The following TGOLN2 variants were observed in gnomAD, a reference collection of about 807,000 sequenced individuals.
TGOLN2 encodes the protein trans-golgi network protein 2, also known as trans-Golgi network integral membrane protein 2.
In TGOLN2, 19 loss-of-function variants were observed where a neutral mutation model predicts 31.3. That is an observed-to-expected ratio of 0.61 (90% CI 0.42 to 0.89). The LOEUF is 0.89. Ranked by LOEUF, TGOLN2 falls within the 40% of genes least tolerant of loss-of-function variation. The pLI, the probability that TGOLN2 is intolerant of heterozygous loss-of-function variation, is 0.00. For missense variants in TGOLN2, 540 were observed against 559.2 expected (o/e 0.97, Z 0.35); for synonymous variants, 222 against 226.7 (o/e 0.98, Z 0.19).
At position 85,327,588 on chromosome 2, in the gene TGOLN2, T is replaced by C. The variant is rs770516644; in HGVS notation, c.144A>G (p.Gln48=). ...GNVSTHPSLS[Q]RPGGSTKSHP... ...GCGACTTGGTAGAGCCTCCAGGCCG[T>C]TGGCTCAAGCTGGGGTGGGTGGAGA... Residue 48 remains glutamine (Q), a synonymous_variant, in exon 2 of 4, where the codon CAA becomes CAG. Coordinates refer to ENST00000377386, the MANE Select transcript of TGOLN2 (RefSeq NM_006464.4). 7 of 1,614,058 alleles carry C rather than the reference T, an allele frequency of 4.3e-6. No individual in the cohort carries two copies. The highest frequency in any genetic ancestry group is 1.3e-5 in the African/African-American group (1 of 75,058).
rs899066289 is a variant in TGOLN2 at position 85,322,541 on chromosome 2, C to T, written c.*195G>A. 4.1e-6 allele frequency: 5 copies of T among 1,223,624 alleles called. No individual in the cohort carries two copies. Among genetic ancestry groups the T allele is most frequent in the African/African-American group, 3.1e-5 (2 of 64,518 alleles). 75.8% of individuals were successfully genotyped at this position (1,223,624 alleles called of 1,614,324 possible). ...AGCCCAAAGCAGCCCCCTACCTCTG[C>T]CAGCCCAGACCCGCCACTAAATTCT... On this transcript the variant is annotated 3_prime_UTR_variant, in exon 4 of 4. Coordinates refer to ENST00000377386, the MANE Select transcript of TGOLN2 (RefSeq NM_006464.4).
chr2:85,320,190 A>G lies in TGOLN2; in HGVS notation c.*2546T>C, dbSNP rs1353977320. The G allele has an allele frequency of 6.6e-6, 1 of 152,300 alleles. No homozygotes were observed. The highest frequency in any genetic ancestry group is 2.4e-5 in the African/African-American group (1 of 41,462). 9.4% of individuals were successfully genotyped at this position (152,300 alleles called of 1,614,324 possible). On this transcript the variant is annotated 3_prime_UTR_variant, in exon 4 of 4. Transcript: ENST00000377386. ...AGAGAAAAACAGGCAGGAGGGTGTC[A>G]ATCTATAGCATCCTGAACCCCAAAA...
chr2:85,327,244 T>G lies in TGOLN2; in HGVS notation c.488A>C (p.Asp163Ala). 6.2e-7 allele frequency: 1 copy of G among 1,612,968 alleles called. No individual in the cohort carries two copies. The change falls in exon 2 of 4, where the codon GAC (aspartate) becomes GCC (alanine). Residue 163 changes from aspartate (D) to alanine (A), a missense_variant. Asp to Ala is a moderately radical substitution (Grantham distance 126, BLOSUM62 -2). Coordinates refer to ENST00000377386, the MANE Select transcript of TGOLN2 (RefSeq NM_006464.4). ...RSGAEAKTQK[D>A]SPSKSGSEAQ... ...CTCCGAACCTGACTTGCTAGGGCTG[T>G]CTTTTTGGGTCTTTGCCTCCGCACC...
At position 85,318,384 on chromosome 2, in the gene TGOLN2, C is replaced by T. The variant is rs908163963; in HGVS notation, c.*4352G>A. On this transcript the variant is annotated 3_prime_UTR_variant, in exon 4 of 4. Transcript: ENST00000377386. ...ACATACTATACAGCTCAGACCCAAA[C>T]CCTTCACAGAGAGACTCTAAGTGTA... The T allele has an allele frequency of 2.0e-5, 3 of 152,182 alleles. No individual in the cohort carries two copies. The highest frequency in any genetic ancestry group is 2.9e-5 in the Non-Finnish European group (2 of 68,046). The allele number at this position is 152,182 out of a possible 1,614,324, so 9.4% of individuals were successfully genotyped here.
chr2:85,326,094 G>A (rs1259063100), intron 2 of TGOLN2, among the ~76,000 whole-genome samples: 1 of 152,218 alleles, frequency 6.6e-6, no homozygotes, highest in Non-Finnish European at 1.5e-5. Context: ...TTGTGCCACT[G>A]CTGATGGAAG....
rs1044962 is a variant in TGOLN2 at position 85,327,475 on chromosome 2, G to T, written c.257C>A (p.Ala86Glu). The change falls in exon 2 of 4, where the codon GCG (alanine) becomes GAG (glutamate). Residue 86 changes from alanine (A) to glutamate (E), a missense_variant. Coordinates refer to ENST00000377386, the MANE Select transcript of TGOLN2 (RefSeq NM_006464.4). ...TPEDTPNKSG[A>E]EAKTQKDSSN... ...GCTGTCTTTTTGGGTCTTTGCCTCCGCACCCGACTTGTTGGGGGTGTCTTC... is the reference window on the plus strand; with the variant it reads ...GCTGTCTTTTTGGGTCTTTGCCTCCTCACCCGACTTGTTGGGGGTGTCTTC... 1.8e-5 allele frequency: 29 copies of T among 1,613,782 alleles called. No homozygotes were observed. The highest frequency in any genetic ancestry group is 2.4e-5 in the Non-Finnish European group (28 of 1,179,852).
At position 85,327,096 on chromosome 2, in the gene TGOLN2, C is replaced by T. The variant is rs777202396; in HGVS notation, c.636G>A (p.Ala212=). The T allele has an allele frequency of 3.7e-6, 6 of 1,613,362 alleles. No individual in the cohort carries two copies. The highest frequency in any genetic ancestry group is 1.7e-5 in the Admixed American group (1 of 59,974). The change falls in exon 2 of 4, where the codon GCG becomes GCA. Residue 212 remains alanine, a synonymous_variant. Transcript: ENST00000377386. Reference sequence around the variant, plus strand: ...AGCCGTCTTTTGGAGTCTGCTTCTCCGCACCCGACTTGTTAGGGACGTCTT... The same window carrying T: ...AGCCGTCTTTTGGAGTCTGCTTCTCTGCACCCGACTTGTTAGGGACGTCTT... ...TPKDVPNKSG[A]EKQTPKDGSN... is the part of the protein sequence containing the mutation.
At position 85,318,280 on chromosome 2, in the gene TGOLN2, A is replaced by G. The variant is rs1238846259; in HGVS notation, c.*4456T>C. On this transcript the variant is annotated 3_prime_UTR_variant, in exon 4 of 4. Transcript: ENST00000377386. ...AAGAAGAGAAACAATTTCAACCATT[A>G]ATCATTTATCAAACATGAAGTCTGG... 1.3e-5 allele frequency: 2 copies of G among 152,228 alleles called. No individual in the cohort carries two copies. The highest frequency in any genetic ancestry group is 2.9e-5 in the Non-Finnish European group (2 of 68,032). The allele number at this position is 152,228 out of a possible 1,614,324, so 9.4% of individuals were successfully genotyped here.
rs1682757858 is a variant in TGOLN2 at position 85,327,017 on chromosome 2, C to T, written c.715G>A (p.Gly239Ser). The T allele has an allele frequency of 6.2e-7, 1 of 1,613,660 alleles. No homozygotes were observed. The highest frequency in any genetic ancestry group is 8.5e-7 in the Non-Finnish European group (1 of 1,179,794). Residue 239 changes from glycine to serine, a missense_variant, in exon 2 of 4, where the codon GGT becomes AGT. Coordinates refer to ENST00000377386, the MANE Select transcript of TGOLN2 (RefSeq NM_006464.4). ...TCTTTTGAGGTCTGCTCCTCCGCAC[C>T]CGACTTGCTGGGCCCGTCTATTGGG... ...QGPIDGPSKS[G>S]AEEQTSKDSP...
At position 85,326,906 on chromosome 2, in the gene TGOLN2, G is replaced by A. The variant is rs1682753072; in HGVS notation, c.826C>T (p.Pro276Ser). Residue 276 changes from proline (P) to serine (S), a missense_variant, in exon 2 of 4, where the codon CCC (proline) becomes TCC (serine). Physicochemically the swap from Pro to Ser is moderately conservative, Grantham distance 74. Coordinates refer to ENST00000377386, the MANE Select transcript of TGOLN2 (RefSeq NM_006464.4). The stretch of plus-strand genomic sequence containing the variant: ...GCAAGCTGGTTTGTGTCAGCCTTGG[G>A]GAGCTCCTTGTTATCAGAAGGGTTG... ...ISNPSDNKEL[P>S]KADTNQLADK... The A allele has an allele frequency of 6.2e-7, 1 of 1,613,942 alleles. No individual in the cohort carries two copies. Among genetic ancestry groups the A allele is most frequent in the African/African-American group, 1.3e-5 (1 of 74,948 alleles).
At chr2:85,323,002 G>A (rs1682602254) in intron 3 of TGOLN2, among the ~76,000 whole-genome samples, 1 of 152,102 alleles carries the variant, frequency 6.6e-6, no homozygotes, top group Non-Finnish European at 1.5e-5. Context: ...TTTTGAGACG[G>A]AGTCTTGCTC....
Position 85,327,947 on chromosome 2 carries a change from C to T in TGOLN2, c.16G>A (p.Ala6Thr). The change falls in exon 1 of 4, where the codon GCC (alanine) becomes ACC (threonine). Residue 6 changes from alanine to threonine, a missense_variant. Transcript: ENST00000377386. ...GCTGCGACGTTCAGGAGGACCAAGG[C>T]AACCACGAACCGCATCCTGCTCGGA... Reference protein sequence around the residue: MRFVVALVLLNVAAAG... With the variant: MRFVVTLVLLNVAAAG... The T allele has an allele frequency of 6.2e-7, 1 of 1,600,560 alleles. No individual in the cohort carries two copies. Among genetic ancestry groups the T allele is most frequent in the Non-Finnish European group, 8.5e-7 (1 of 1,174,068 alleles).
At position 85,320,243 on chromosome 2, in the gene TGOLN2, G is replaced by C. The variant is rs190840209; in HGVS notation, c.*2493C>G. 6 of 152,346 alleles carry C rather than the reference G, an allele frequency of 3.9e-5. No homozygotes were observed. Among genetic ancestry groups the C allele is most frequent in the Admixed American group, 1.3e-4 (2 of 15,302 alleles). 9.4% of individuals were successfully genotyped at this position (152,346 alleles called of 1,614,324 possible). On this transcript the variant is annotated 3_prime_UTR_variant, in exon 4 of 4. Coordinates refer to ENST00000377386, the MANE Select transcript of TGOLN2 (RefSeq NM_006464.4). ...TCTGTAACTGGATTCTCTAAGCCTT[G>C]AGAAGTTCACACCAAAGCTTCAGAC...
intron 3 of TGOLN2, among the ~76,000 whole-genome samples, chr2:85,323,305 C>G (rs1018402977): frequency 1.3e-5 from 2 of 152,134 alleles, no homozygotes; most frequent in Non-Finnish European, 2.9e-5. Flanking sequence ...GTGGCTCACG[C>G]CTGTAATCCC....
rs1024549943 is a variant in TGOLN2, at chr2:85,324,778, G to A, written c.1308+137C>T. The A allele has an allele frequency of 7.4e-5, 56 of 760,102 alleles. No homozygotes were observed. In the African/African-American group the frequency reaches 8.0e-4, roughly 11 times the overall value. The allele number at this position is 760,102 out of a possible 1,614,324, so 47.1% of individuals were successfully genotyped here. On this transcript the variant is annotated intron_variant, in intron 3 of 3. Coordinates refer to ENST00000377386, the MANE Select transcript of TGOLN2 (RefSeq NM_006464.4). ...TTCTAGTTTGTTGTCTAAAAAGGGC[G>A]AATGCAACAGCAACAGCAACCGCAT...
In TGOLN2 at chr2:85,326,552, T is replaced by A. The variant is rs1463299923; in HGVS notation, c.1180A>T (p.Ile394Phe). The A allele has an allele frequency of 4.3e-6, 7 of 1,613,968 alleles. No homozygotes were observed. The highest frequency in any genetic ancestry group is 5.9e-6 in the Non-Finnish European group (7 of 1,179,890). The change falls in exon 2 of 4, where the codon ATT (isoleucine) becomes TTT (phenylalanine). Residue 394 changes from isoleucine (I) to phenylalanine (F), a missense_variant. Coordinates refer to ENST00000377386, the MANE Select transcript of TGOLN2 (RefSeq NM_006464.4). ...HFFAYLVTAA[I>F]LVAVLYIAHH... The stretch of plus-strand genomic sequence containing the variant: ...GCGATATAGAGGACAGCCACAAGAA[T>A]GGCTGCAGTCACCAGATATGCAAAG...
In TGOLN2 at chr2:85,320,078, C is replaced by CTGGTTTCT. The variant is rs1682497792; in HGVS notation, c.*2657_*2658insAGAAACCA. The CTGGTTTCT allele has an allele frequency of 1.3e-5, 2 of 152,364 alleles. No individual in the cohort carries two copies. Among genetic ancestry groups the CTGGTTTCT allele is most frequent in the Non-Finnish European group, 2.9e-5 (2 of 68,200 alleles). 9.4% of individuals were successfully genotyped at this position (152,364 alleles called of 1,614,324 possible). A position where few individuals can be genotyped will look rare whatever the true frequency, so the allele number is the denominator to read the frequency against. On this transcript the variant is annotated 3_prime_UTR_variant, in exon 4 of 4. Transcript: ENST00000377386. ...AGGGAGAGAAACCTAACCAAAGAAA[C>CTGGTTTCT]ATGGGAAGCTGGAAAGTCGAGGGCA... is the stretch of plus-strand genomic sequence containing the variant.
intron 3 of TGOLN2, chr2:85,324,591 T>A: frequency 2.3e-6 from 1 of 441,284 alleles, no homozygotes; most frequent in South Asian, 3.9e-5. Flanking sequence ...TGCTATCAGG[T>A]CCTGAGTTTG....
chr2:85,318,338 G>A lies in TGOLN2; in HGVS notation c.*4398C>T, dbSNP rs537025957. On this transcript the variant is annotated 3_prime_UTR_variant, in exon 4 of 4. Coordinates refer to ENST00000377386, the MANE Select transcript of TGOLN2 (RefSeq NM_006464.4). Reference sequence around the variant, plus strand: ...AAGGAATATCTATCAGAGGGTGAGGGGCTGGCTTACTGGCAGTTTGACATA... The same window carrying A: ...AAGGAATATCTATCAGAGGGTGAGGAGCTGGCTTACTGGCAGTTTGACATA... 2.6e-5 allele frequency: 4 copies of A among 152,206 alleles called. No homozygotes were observed. The highest frequency in any genetic ancestry group is 6.5e-5 in the Admixed American group (1 of 15,290). 9.4% of individuals were successfully genotyped at this position (152,206 alleles called of 1,614,324 possible).
Sources: gnomAD v4.1 joint callset for allele counts (sites outside exome capture counted in the v4.1 genomes callset) on GRCh38, gnomAD v4.1.1 for gene constraint, MANE v1.5 for transcripts, NCBI Gene and HGNC (gene_info 2026-07-23, HGNC 2026-07-21) for gene names.